The following REEP3 variants were observed in gnomAD, a reference collection of about 807,000 sequenced individuals.
The protein encoded by REEP3 is receptor accessory protein 3.
REEP3 carries 20 observed loss-of-function variants against 41.3 expected under a neutral mutation model. The ratio of observed to expected loss-of-function variants is 0.48; its 90% CI spans 0.34 to 0.70. The LOEUF (loss-of-function observed/expected upper bound fraction) is 0.70. Ranked by LOEUF, REEP3 falls within the 30% of genes least tolerant of loss-of-function variation. The pLI is 0.01. For missense variants in REEP3, 271 were observed against 308.8 expected (o/e 0.88, Z 0.92); for synonymous variants, 104 against 101.8 (o/e 1.02, Z -0.13).
intron 6 of REEP3, among the ~76,000 whole-genome samples, chr10:63,613,038 G>T (rs1447182823): frequency 6.6e-6 from 1 of 151,406 alleles, no homozygotes; most frequent in Non-Finnish European, 1.5e-5. Context: ...TTGAGATGGA[G>T]TCTACCTCTG....
Position 63,580,553 on chromosome 10 carries a change from A to T in REEP3, c.105+14143A>T, listed in dbSNP as rs577049908. 3.3e-5 allele frequency among the ~76,000 whole-genome samples: 5 copies of T among 152,350 alleles called. No individual in the cohort carries two copies. The East Asian group carries it at 9.6e-4, about 29-fold the overall frequency. On this transcript the variant is annotated intron_variant, in intron 2 of 7. Transcript: ENST00000373758. ...AAAAAATAAAAACAAAATCAGGTAA[A>T]TTAGTGTATCTAGGAGTTTCTTTGA...
At chr10:63,523,020 C>CAA (rs35537600) in intron 1 of REEP3, among the ~76,000 whole-genome samples, 44 of 117,940 alleles carry the variant, frequency 3.7e-4, no homozygotes, top group African/African-American at 1.5e-3. Context: ...CTGTACTTTA[C>CAA]AAAAAAAAAA....
intron 2 of REEP3, among the ~76,000 whole-genome samples, chr10:63,591,013 G>A (rs1956056988): frequency 6.6e-6 from 1 of 151,630 alleles, no homozygotes; most frequent in Non-Finnish European, 1.5e-5. Flanking sequence ...TAGTGTATTG[G>A]TTTCCTTTCA....
chr10:63,558,465 G>T (rs748523549), intron 1 of REEP3, among the ~76,000 whole-genome samples: 1 of 152,156 alleles, frequency 6.6e-6, no homozygotes, highest in Non-Finnish European at 1.5e-5. Flanking sequence ...GTATAAACTG[G>T]ATTACTAATG....
chr10:63,603,910 C>T (rs1356970407), intron 5 of REEP3, among the ~76,000 whole-genome samples: 1 of 152,114 alleles, frequency 6.6e-6, no homozygotes, highest in East Asian at 1.9e-4. Flanking sequence ...AATCACTGAA[C>T]CAGACACTTC....
At chr10:63,545,567 G>A (rs1191588986) in intron 1 of REEP3, among the ~76,000 whole-genome samples, 1 of 151,498 alleles carries the variant, frequency 6.6e-6, no homozygotes, top group Non-Finnish European at 1.5e-5. Flanking sequence ...TAGAGACAGG[G>A]TTTCACCACG....
intron 6 of REEP3, among the ~76,000 whole-genome samples, chr10:63,618,574 C>G (rs570067055): frequency 6.6e-6 from 1 of 152,220 alleles, no homozygotes; most frequent in African/African-American, 2.4e-5. Context: ...AATCTCACCC[C>G]TTTCTTTATA....
rs1214918510 is a variant in REEP3, at chr10:63,622,725, T to TTTTTA, written c.*1856_*1857insTTTTA. ...TTTACCTTTTTTTTTTTTTTTTTTT[T>TTTTTA]GAGACGGAGTCTTGCTCTGTCACCA... On this transcript the variant is annotated 3_prime_UTR_variant, in exon 8 of 8. Coordinates refer to ENST00000373758, the MANE Select transcript of REEP3 (RefSeq NM_001001330.3). 6.8e-6 allele frequency: 1 copy of TTTTTA among 146,812 alleles called. No homozygotes were observed. Among genetic ancestry groups the TTTTTA allele is most frequent in the African/African-American group, 2.6e-5 (1 of 38,840 alleles). The allele number at this position is 146,812 out of a possible 1,614,324, so 9.1% of individuals were successfully genotyped here. A position where few individuals can be genotyped will look rare whatever the true frequency, so the allele number is the denominator to read the frequency against.
At chr10:63,557,398 T>C (rs1011735785) in intron 1 of REEP3, among the ~76,000 whole-genome samples, 1 of 152,218 alleles carries the variant, frequency 6.6e-6, no homozygotes, top group African/African-American at 2.4e-5. Context: ...TTAATAAATG[T>C]TATATGTATA....
intron 1 of REEP3, among the ~76,000 whole-genome samples, chr10:63,523,617 C>CA (rs1279288374): frequency 1.3e-5 from 2 of 151,988 alleles, no homozygotes; most frequent in Non-Finnish European, 2.9e-5. Context: ...GCCTGGGCCA[C>CA]AGAGTGAGAC....
chr10:63,528,166 C>A (rs1015854238), intron 1 of REEP3, among the ~76,000 whole-genome samples: 4 of 152,128 alleles, frequency 2.6e-5, no homozygotes, highest in Non-Finnish European at 4.4e-5. Flanking sequence ...ACTCTGTGAT[C>A]ATATTTTCAG....
At chr10:63,583,389 G>C (rs1955973343) in intron 2 of REEP3, among the ~76,000 whole-genome samples, 1 of 152,148 alleles carries the variant, frequency 6.6e-6, no homozygotes, top group African/African-American at 2.4e-5. Context: ...CTTACTGTAT[G>C]TTTAAAGTAT....
chr10:63,573,793 TCAAGAAG>T (rs1179987956), intron 2 of REEP3, among the ~76,000 whole-genome samples: 1 of 152,224 alleles, frequency 6.6e-6, no homozygotes, highest in African/African-American at 2.4e-5. Context: ...TTCTTTGTTC[TCAAGAAG>T]TGTTTCCTAG....
At position 63,622,289 on chromosome 10, in the gene REEP3, T is replaced by A. The variant is rs2133441307; in HGVS notation, c.*1420T>A. 6.6e-6 allele frequency: 1 copy of A among 152,238 alleles called. No individual in the cohort carries two copies. The highest frequency in any genetic ancestry group is 1.9e-4 in the East Asian group (1 of 5,188). 9.4% of individuals were successfully genotyped at this position (152,238 alleles called of 1,614,324 possible). ...ATGTATATTCAGGACTTCCTCAGAG[T>A]ATTGGCCAAGAACATAATGTTTACA... On this transcript the variant is annotated 3_prime_UTR_variant, in exon 8 of 8. Coordinates refer to ENST00000373758, the MANE Select transcript of REEP3 (RefSeq NM_001001330.3).
intron 1 of REEP3, among the ~76,000 whole-genome samples, chr10:63,564,494 A>G (rs1484411821): frequency 6.6e-6 from 1 of 151,974 alleles, no homozygotes; most frequent in Admixed American, 6.6e-5. Flanking sequence ...ATGGTAGCAC[A>G]TGCCTGTAAT....
At chr10:63,571,989 T>C (rs1955856596) in intron 2 of REEP3, among the ~76,000 whole-genome samples, 3 of 152,178 alleles carry the variant, frequency 2.0e-5, no homozygotes, top group Non-Finnish European at 1.5e-5. Flanking sequence ...CCAGTGAATA[T>C]GCATCTGATT....
At position 63,596,861 on chromosome 10, in the gene REEP3, T is replaced by G. The variant is rs77321550; in HGVS notation, c.183-1163T>G. On this transcript the variant is annotated intron_variant, in intron 3 of 7. Transcript: ENST00000373758. Reference sequence around the variant, plus strand: ...GGCATGATGATAGCTCACCGCACCCTTGAACTCCTGGGCTGAAGCAATCCT... The same window carrying G: ...GGCATGATGATAGCTCACCGCACCCGTGAACTCCTGGGCTGAAGCAATCCT... Among the ~76,000 whole-genome samples the G allele has an allele frequency of 6.3e-3, 960 of 152,240 alleles. 7 individuals are homozygous for G. The highest frequency in any genetic ancestry group is 0.022 in the African/African-American group (928 of 41,534).
rs368659734 is a variant in REEP3, at chr10:63,566,377, C to T, written c.72C>T (p.Tyr24=). Residue 24 remains tyrosine, a synonymous_variant, in exon 2 of 8, where the codon TAC becomes TAT. Coordinates refer to ENST00000373758, the MANE Select transcript of REEP3 (RefSeq NM_001001330.3). ...TGCTTTATCCTGCATATTATTCATA[C>T]AAAGCTGTGAAAACAAAAAACGTGA... is the stretch of plus-strand genomic sequence containing the variant. ...FGMLYPAYYS[Y]KAVKTKNVKE... The T allele has an allele frequency of 1.1e-4, 176 of 1,552,212 alleles. 1 individual carries two copies. The African/African-American group carries it at 2.2e-3, about 19-fold the overall frequency.
chr10:63,581,244 C>G (rs957627172), intron 2 of REEP3, among the ~76,000 whole-genome samples: 1 of 151,996 alleles, frequency 6.6e-6, no homozygotes, highest in Non-Finnish European at 1.5e-5. Flanking sequence ...GCCATCACAC[C>G]GTGAAAGGTC....
Sources: allele counts gnomAD v4.1 joint callset (sites outside exome capture counted in the v4.1 genomes callset), GRCh38; gene constraint gnomAD v4.1.1; transcripts MANE v1.5; gene names NCBI Gene and HGNC (gene_info 2026-07-23, HGNC 2026-07-21).